Variants in KMT2B observed in about 807,000 individuals in gnomAD.
KMT2B encodes the protein histone-lysine N-methyltransferase 2B.
In KMT2B, 22 loss-of-function variants were observed where a neutral mutation model predicts 255.3. The observed-to-expected ratio is 0.09, with a 90% confidence interval of 0.06 to 0.12. The LOEUF (loss-of-function observed/expected upper bound fraction) is 0.12. Ranked by LOEUF, KMT2B falls within the 10% of genes least tolerant of loss-of-function variation. The probability of loss-of-function intolerance (pLI) is 1.00; values close to 1 mark genes in which losing one functional copy is unlikely to be tolerated. For missense variants in KMT2B, 3,149 were observed against 3,737.0 expected (o/e 0.84, Z 4.10); for synonymous variants, 1,730 against 1,498.1 (o/e 1.15, Z -3.57).
rs899591059 is a variant in KMT2B at position 35,724,990 on chromosome 19, A to T, written c.3431A>T (p.Asp1144Val). Residue 1144 changes from aspartate (D) to valine (V), a missense_variant and splice_region_variant, in exon 10 of 37, where the codon GAT (aspartate) becomes GTT (valine). By Grantham distance (152) the Asp-to-Val change is radical. Coordinates refer to ENST00000420124, the MANE Select transcript of KMT2B (RefSeq NM_014727.3). ...AATTCCCCCACCTTTCCTCCCCAGG[A>T]TGCTTTGGCCCCTGGCCCCTTTGCT... ...QLKARRRLDK[D>V]ALAPGPFASF... 6.2e-7 allele frequency: 1 copy of T among 1,607,616 alleles called. No individual in the cohort carries two copies. Among genetic ancestry groups the T allele is most frequent in the Non-Finnish European group, 8.5e-7 (1 of 1,174,170 alleles).
rs1316047928 is a variant in KMT2B, at chr19:35,723,833, C to G, written c.3160C>G (p.Pro1054Ala). ...GPRRGAGAGG[P>A]REEVVAHPGP... ...ACGCCGGGGGGCGGGAGCTGGGGGG[C>G]CCCGGGAGGAGGTGGTGGCCCACCC... is the stretch of plus-strand genomic sequence containing the variant. The change falls in exon 8 of 37, where the codon CCC becomes GCC. Residue 1054 changes from proline (P) to alanine (A), a missense_variant. Physicochemically the swap from Pro to Ala is conservative, Grantham distance 27. Transcript: ENST00000420124. The surrounding 1 kb of genome is among the most constrained non-coding windows in gnomAD (Gnocchi z 7.5). 6.3e-7 allele frequency: 1 copy of G among 1,596,668 alleles called. No homozygotes were observed. Among genetic ancestry groups the G allele is most frequent in the Non-Finnish European group, 8.5e-7 (1 of 1,171,306 alleles).
intron 30 of KMT2B, 78 bp from the exon 31 acceptor site, chr19:35,736,612 G>T: frequency 6.4e-7 from 1 of 1,552,986 alleles, no homozygotes; most frequent in Non-Finnish European, 8.8e-7. Context: ...AGTGGTGTCT[G>T]CTGGGAGCAC....
rs746586394 is a variant in KMT2B at position 35,721,418 on chromosome 19, C to T, written c.2071C>T (p.Pro691Ser). The change falls in exon 3 of 37, where the codon CCT (proline) becomes TCT (serine). Residue 691 changes from proline to serine, a missense_variant. Physicochemically the swap from Pro to Ser is moderately conservative, Grantham distance 74. This residue lies in a region of KMT2B where 1,188 missense variants were observed against 1,106.4 expected (regional missense o/e 1.07). Coordinates refer to ENST00000420124, the MANE Select transcript of KMT2B (RefSeq NM_014727.3). ...PPPADDSPAE[P>S]EPRAVGRTNH... The stretch of plus-strand genomic sequence containing the variant: ...TCCTGCCGATGACTCTCCAGCTGAG[C>T]CTGAGCCTCGGGCAGTGGGCCGCAC... 3.7e-6 allele frequency: 6 copies of T among 1,611,562 alleles called. No homozygotes were observed. The highest frequency in any genetic ancestry group is 4.2e-6 in the Non-Finnish European group (5 of 1,179,494).
Position 35,720,340 on chromosome 19 carries a change from A to G in KMT2B, c.993A>G (p.Gln331=), listed in dbSNP as rs747333977. The stretch of plus-strand genomic sequence containing the variant: ...TCGAATCAGGTCAAGGTCAAGGTCA[A>G]CATGAGGAAAGTTGGCAGGATGTCC... The part of the protein sequence containing the change: ...LGLESGQGQG[Q]HEESWQDVPQ... Residue 331 remains glutamine, a synonymous_variant, in exon 3 of 37, where the codon CAA becomes CAG. Transcript: ENST00000420124. The G allele has an allele frequency of 1.2e-6, 2 of 1,610,988 alleles. No individual in the cohort carries two copies. Among genetic ancestry groups the G allele is most frequent in the Admixed American group, 1.7e-5 (1 of 59,586 alleles).
In KMT2B at chr19:35,732,208, C is replaced by G; in HGVS notation, c.5666-7C>G. The stretch of plus-strand genomic sequence containing the variant: ...AGCTGCTGGTAACACCAACCCTCCC[C>G]CCACAGGAAGTCCATCTTCACTGAC... On this transcript the variant is annotated splice_region_variant and splice_polypyrimidine_tract_variant and intron_variant, in intron 27 of 36. Transcript: ENST00000420124. The G allele has an allele frequency of 3.8e-6, 6 of 1,582,712 alleles. No homozygotes were observed. The highest frequency in any genetic ancestry group is 5.2e-6 in the Non-Finnish European group (6 of 1,160,598).
chr19:35,733,910 C>A lies in KMT2B; in HGVS notation c.7159+38C>A. On this transcript the variant is annotated intron_variant, in intron 30 of 36. Coordinates refer to ENST00000420124, the MANE Select transcript of KMT2B (RefSeq NM_014727.3). The surrounding 1 kb of genome is among the most constrained non-coding windows in gnomAD (Gnocchi z 4.3). ...CTTGCCCTCTCCCTCCTTGCCTGTG[C>A]CTGGCTCAGCTGGGTGACTCACAGA... is the stretch of plus-strand genomic sequence containing the variant. The A allele has an allele frequency of 6.9e-7, 1 of 1,458,418 alleles. No individual in the cohort carries two copies. Among genetic ancestry groups the A allele is most frequent in the Non-Finnish European group, 9.5e-7 (1 of 1,047,712 alleles). The allele number at this position is 1,458,418 out of a possible 1,614,324, so 90.3% of individuals were successfully genotyped here.
At position 35,718,061 on chromosome 19, in the gene KMT2B, T is replaced by C. The variant is rs1306123854; in HGVS notation, c.43T>C (p.Ser15Pro). ...AGGGSCPGPGSARGRFPGRPR... is the reference protein window; with the variant it reads ...AGGGSCPGPGPARGRFPGRPR... ...CGGCGGCAGTTGCCCCGGGCCTGGC[T>C]CCGCGCGGGGCCGCTTCCCGGGCCG... is the stretch of plus-strand genomic sequence containing the variant. Residue 15 changes from serine (S) to proline (P), a missense_variant, in exon 1 of 37, where the codon TCC becomes CCC. Ser to Pro is a moderately conservative substitution (Grantham distance 74, BLOSUM62 -1). Coordinates refer to ENST00000420124, the MANE Select transcript of KMT2B (RefSeq NM_014727.3). The surrounding 1 kb of genome is among the most constrained non-coding windows in gnomAD (Gnocchi z 5.0). 1.0e-6 allele frequency: 1 copy of C among 986,076 alleles called. No individual in the cohort carries two copies. Among genetic ancestry groups the C allele is most frequent in the African/African-American group, 1.8e-5 (1 of 56,472 alleles). The allele number at this position is 986,076 out of a possible 1,614,324, so 61.1% of individuals were successfully genotyped here.
In KMT2B at chr19:35,725,357, A is replaced by G; in HGVS notation, c.3642+24A>G. On this transcript the variant is annotated intron_variant, in intron 11 of 36. Coordinates refer to ENST00000420124, the MANE Select transcript of KMT2B (RefSeq NM_014727.3). The surrounding 1 kb of genome is among the most constrained non-coding windows in gnomAD (Gnocchi z 4.1). Reference sequence around the variant, plus strand: ...AGGTTAGATCTCTGCCTTTCTTCACAGACCCCCAGCTCTCTGTCGGTCCTC... The same window carrying G: ...AGGTTAGATCTCTGCCTTTCTTCACGGACCCCCAGCTCTCTGTCGGTCCTC... 6.4e-7 allele frequency: 1 copy of G among 1,555,472 alleles called. No homozygotes were observed. Among genetic ancestry groups the G allele is most frequent in the Non-Finnish European group, 8.7e-7 (1 of 1,150,574 alleles).
chr19:35,736,502 T>A (rs1471642307), intron 30 of KMT2B, 188 bp from the exon 31 acceptor site: 9 of 666,234 alleles, frequency 1.4e-5, no homozygotes, highest in Non-Finnish European at 2.2e-5. Context: ...GCAGGCTCCT[T>A]AGGGGAAGAA....
In KMT2B at chr19:35,725,182, C is replaced by G. The variant is rs1360831534; in HGVS notation, c.3529-38C>G. ...AGCCAGGTGGGTCTGCCTTGTATGC[C>G]TGGCGGCCCTCTGATCCTGCATCCT... On this transcript the variant is annotated intron_variant, in intron 10 of 36. Coordinates refer to ENST00000420124, the MANE Select transcript of KMT2B (RefSeq NM_014727.3). The surrounding 1 kb of genome is among the most constrained non-coding windows in gnomAD (Gnocchi z 4.1). 1 of 1,597,998 alleles carries G rather than the reference C, an allele frequency of 6.3e-7. No homozygotes were observed. Among genetic ancestry groups the G allele is most frequent in the Non-Finnish European group, 8.6e-7 (1 of 1,166,176 alleles).
Position 35,720,404 on chromosome 19 carries a change from T to A in KMT2B, c.1057T>A (p.Cys353Ser). Residue 353 changes from cysteine to serine, a missense_variant, in exon 3 of 37, where the codon TGC (cysteine) becomes AGC (serine). Coordinates refer to ENST00000420124, the MANE Select transcript of KMT2B (RefSeq NM_014727.3). ...RVGSGQGGSP[C>S]WKKQEQKLDD... ...TGGATCTGGACAGGGAGGGAGCCCT[T>A]GCTGGAAAAAGCAGGAACAGAAGCT... The A allele has an allele frequency of 6.4e-7, 1 of 1,571,132 alleles. No individual in the cohort carries two copies. The highest frequency in any genetic ancestry group is 2.3e-5 in the East Asian group (1 of 42,772).
rs199510721 is a variant in KMT2B at position 35,731,974 on chromosome 19, A to T, written c.5504A>T (p.His1835Leu). Residue 1835 changes from histidine to leucine, a missense_variant, in exon 27 of 37, where the codon CAC becomes CTC. Physicochemically the swap from His to Leu is moderately conservative, Grantham distance 99. Around this residue, in one of 18 missense-constraint regions of KMT2B, gnomAD observed 897 missense variants for 825.3 expected, o/e 1.09. Coordinates refer to ENST00000420124, the MANE Select transcript of KMT2B (RefSeq NM_014727.3). ...CTTGTCCCTGGAGCTCCTGAGCGCC[A>T]CTCGCCCATTCAGAACCTGGACCCT... ...DVLVPGAPER[H>L]SPIQNLDPPL... 5.2e-5 allele frequency: 84 copies of T among 1,613,442 alleles called. No homozygotes were observed. The highest frequency in any genetic ancestry group is 6.5e-5 in the Non-Finnish European group (77 of 1,179,790).
rs141461849 is a variant in KMT2B, at chr19:35,730,622, C to T, written c.5276+6C>T. On this transcript the variant is annotated splice_donor_region_variant and intron_variant, in intron 25 of 36. Coordinates refer to ENST00000420124, the MANE Select transcript of KMT2B (RefSeq NM_014727.3). ...CTCTTCCCCATTGGCTACCAGTGAG[C>T]GGTCGGGGTGATCCATGGGGCCAGG... The T allele has an allele frequency of 6.2e-5, 100 of 1,613,916 alleles. No homozygotes were observed. In the South Asian group the frequency reaches 8.8e-4, roughly 14 times the overall value.
chr19:35,737,484 C>A lies in KMT2B; in HGVS notation c.7551-152C>A. ...ATCGCATGAGCCCAGGAGTTGGAGA[C>A]CAGCGTAGGCAACATGGCAAAACCC... On this transcript the variant is annotated intron_variant, in intron 33 of 36. Transcript: ENST00000420124. The surrounding 1 kb of genome is among the most constrained non-coding windows in gnomAD (Gnocchi z 5.3). 1 of 740,718 alleles carries A rather than the reference C, an allele frequency of 1.4e-6. No homozygotes were observed. The allele number at this position is 740,718 out of a possible 1,614,324, so 45.9% of individuals were successfully genotyped here.
In KMT2B at chr19:35,721,489, T is replaced by C. The variant is rs1180302966; in HGVS notation, c.2142T>C (p.Pro714=). 6.2e-7 allele frequency: 1 copy of C among 1,612,644 alleles called. No individual in the cohort carries two copies. The highest frequency in any genetic ancestry group is 1.1e-5 in the South Asian group (1 of 91,084). The change falls in exon 3 of 37, where the codon CCT becomes CCC. Residue 714 remains proline (P), a synonymous_variant. Coordinates refer to ENST00000420124, the MANE Select transcript of KMT2B (RefSeq NM_014727.3). ...GATTCGCCCCTGTGGTCACCACTCC[T>C]GTTAAGGCCGAGGTGTCCCCTCACG... ...LPRFAPVVTT[P]VKAEVSPHGA...
chr19:35,724,179 C>T (rs1428097340), intron 8 of KMT2B, among the ~76,000 whole-genome samples, 172 bp downstream of exon 8: 1 of 152,112 alleles, frequency 6.6e-6, no homozygotes, highest in Non-Finnish European at 1.5e-5. Flanking sequence ...CTATGAGGTT[C>T]TCAGTGAGCC....
Position 35,722,081 on chromosome 19 carries a change from T to A in KMT2B, c.2457+277T>A, listed in dbSNP as rs189520378. On this transcript the variant is annotated intron_variant, in intron 3 of 36. Coordinates refer to ENST00000420124, the MANE Select transcript of KMT2B (RefSeq NM_014727.3). ...GTGCAGTGGCGTGATCTCGGCTCAC[T>A]GCAGCCTTTGCCTCCCGGGTTCAAG... Among the ~76,000 whole-genome samples, 87 of 151,596 alleles carry A rather than the reference T, an allele frequency of 5.7e-4. No homozygotes were observed. In the Middle Eastern group the frequency reaches 0.027, roughly 48 times the overall value.
Position 35,722,559 on chromosome 19 carries a change from C to G in KMT2B, c.2572-9C>G. The G allele has an allele frequency of 2.5e-6, 4 of 1,598,208 alleles. No individual in the cohort carries two copies. Among genetic ancestry groups the G allele is most frequent in the Non-Finnish European group, 3.4e-6 (4 of 1,173,402 alleles). On this transcript the variant is annotated splice_polypyrimidine_tract_variant and intron_variant, in intron 4 of 36. Transcript: ENST00000420124. ...AAGCTGCCCACACACACTCCGATTT[C>G]TCCCCCAGGGTCCCGAGTCCCCTGT...
rs369788045 is a variant in KMT2B, at chr19:35,719,967, G to A, written c.620G>A (p.Arg207Gln). The change falls in exon 3 of 37, where the codon CGG (arginine) becomes CAG (glutamine). Residue 207 changes from arginine to glutamine, a missense_variant. By Grantham distance (43) the Arg-to-Gln change is conservative (BLOSUM62 1). Coordinates refer to ENST00000420124, the MANE Select transcript of KMT2B (RefSeq NM_014727.3). Reference sequence around the variant, plus strand: ...CGGGCCCAGGCACCCCAAGCACCCCGGAGCCGGGCATGTGAGCCCTCCACC... The same window carrying A: ...CGGGCCCAGGCACCCCAAGCACCCCAGAGCCGGGCATGTGAGCCCTCCACC... ...LRRAQAPQAP[R>Q]SRACEPSTPR... is the part of the protein sequence containing the mutation. 147 of 1,613,154 alleles carry A rather than the reference G, an allele frequency of 9.1e-5. No homozygotes were observed. Among genetic ancestry groups the A allele is most frequent in the East Asian group, 3.1e-4 (14 of 44,852 alleles).
Sources: gnomAD v4.1 joint callset for allele counts (sites outside exome capture counted in the v4.1 genomes callset) on GRCh38, gnomAD v4.1.1 for gene constraint, gnomAD v4.1.1 regional missense constraint, Gnocchi (gnomAD v3.1) non-coding constraint, MANE v1.5 for transcripts, NCBI Gene and HGNC (gene_info 2026-07-23, HGNC 2026-07-21) for gene names.